The following DOCK5 variants were observed in gnomAD, a reference collection of about 807,000 sequenced individuals.
The protein encoded by DOCK5 is dedicator of cytokinesis protein 5.
A neutral mutation model predicts 251.8 loss-of-function variants in DOCK5; 142 were observed. The ratio of observed to expected loss-of-function variants is 0.56; its 90% CI spans 0.49 to 0.65. DOCK5 has a LOEUF of 0.65. Ranked by LOEUF, DOCK5 falls within the 30% of genes least tolerant of loss-of-function variation. The pLI is 0.00. For missense variants in DOCK5, 2,111 were observed against 2,312.3 expected (o/e 0.91, Z 1.79); for synonymous variants, 842 against 835.5 (o/e 1.01, Z -0.13).
In DOCK5 at chr8:25,380,441, A is replaced by G. The variant is rs758514689; in HGVS notation, c.4026+47A>G. 9 of 1,466,462 alleles carry G rather than the reference A, an allele frequency of 6.1e-6. No homozygotes were observed. The East Asian group carries it at 1.2e-4, about 20-fold the overall frequency. 90.8% of individuals were successfully genotyped at this position (1,466,462 alleles called of 1,614,324 possible). ...TTAGGCCTCTGACAGGGTTGCTAAA[A>G]TTAGCACTCATGAAAATGTTTCCGT... On this transcript the variant is annotated intron_variant, in intron 39 of 51. Transcript: ENST00000276440.
intron 1 of DOCK5, among the ~76,000 whole-genome samples, chr8:25,205,455 A>G (rs2117469103): frequency 6.6e-6 from 1 of 152,324 alleles, no homozygotes; most frequent in East Asian, 1.9e-4. Flanking sequence ...GGTGTGTGGT[A>G]TTTTGTTATG....
rs1041280071 is a variant in DOCK5, at chr8:25,385,872, T to C, written c.4131+3094T>C. ...TTTAAATACAGTAAACAAGAAAGAC[T>C]TCAGAAAGAAAATGGCATTTTTGCA... On this transcript the variant is annotated intron_variant, in intron 40 of 51. Coordinates refer to ENST00000276440, the MANE Select transcript of DOCK5 (RefSeq NM_024940.8). Among the ~76,000 whole-genome samples, 3 of 152,032 alleles carry C rather than the reference T, an allele frequency of 2.0e-5. No individual in the cohort carries two copies. In the South Asian group the frequency reaches 6.2e-4, roughly 32 times the overall value.
chr8:25,208,727 A>G (rs1802061138), intron 1 of DOCK5, among the ~76,000 whole-genome samples: 1 of 152,196 alleles, frequency 6.6e-6, no homozygotes, highest in Non-Finnish European at 1.5e-5. Flanking sequence ...GCTTTACTGC[A>G]ATATTTGCTT....
intron 7 of DOCK5, among the ~76,000 whole-genome samples, chr8:25,296,950 C>G (rs576149014): frequency 6.6e-6 from 1 of 152,056 alleles, no homozygotes; most frequent in East Asian, 1.9e-4. Context: ...TAGACTAACT[C>G]TGAAATAATA....
At chr8:25,361,766 A>G (rs1800685946) in intron 28 of DOCK5, among the ~76,000 whole-genome samples, 1 of 152,190 alleles carries the variant, frequency 6.6e-6, no homozygotes, top group Non-Finnish European at 1.5e-5. Flanking sequence ...CTGGCCGGCC[A>G]GGGAGAGTCA....
At chr8:25,299,265 A>G (rs1235965012) in intron 8 of DOCK5, 164 bp downstream of exon 8, 4 of 743,478 alleles carry the variant, frequency 5.4e-6, no homozygotes, top group African/African-American at 3.6e-5. Context: ...TGAAGCCTTC[A>G]TATGTCACTA....
chr8:25,306,159 A>G (rs1315752928), intron 11 of DOCK5, among the ~76,000 whole-genome samples: 2 of 152,096 alleles, frequency 1.3e-5, no homozygotes, highest in Non-Finnish European at 2.9e-5. Context: ...AAAATAAAAT[A>G]TAAGGTAAAA....
intron 27 of DOCK5, among the ~76,000 whole-genome samples, chr8:25,352,963 A>G (rs1273436722): frequency 1.3e-5 from 2 of 152,172 alleles, no homozygotes; most frequent in African/African-American, 4.8e-5. Context: ...CCATGTGGCT[A>G]TCTGGGAAGG....
intron 49 of DOCK5, 67 bp downstream of exon 49, chr8:25,408,221 T>C: frequency 1.4e-6 from 2 of 1,464,268 alleles, no homozygotes; most frequent in Non-Finnish European, 1.8e-6. Context: ...TACCCAGGCA[T>C]ATCACCATCC....
intron 1 of DOCK5, among the ~76,000 whole-genome samples, chr8:25,230,605 C>G (rs188918225): frequency 1.3e-5 from 2 of 152,118 alleles, no homozygotes; most frequent in African/African-American, 4.8e-5. Flanking sequence ...AACCCCAGCA[C>G]TTTGGGAGGC....
At chr8:25,281,584 T>TAA (rs755311727) in intron 5 of DOCK5, among the ~76,000 whole-genome samples, 6 of 121,444 alleles carry the variant, frequency 4.9e-5, no homozygotes, top group Admixed American at 1.7e-4. Flanking sequence ...AGAATTTGGT[T>TAA]AAAAAAAAAA....
At chr8:25,237,088 C>G (rs980964627) in intron 1 of DOCK5, among the ~76,000 whole-genome samples, 1 of 152,052 alleles carries the variant, frequency 6.6e-6, no homozygotes, top group Non-Finnish European at 1.5e-5. Flanking sequence ...ATTACTTGGC[C>G]GGACTGGATG....
intron 1 of DOCK5, among the ~76,000 whole-genome samples, chr8:25,216,955 G>T: frequency 1.5e-5 from 1 of 65,304 alleles, no homozygotes; most frequent in East Asian, 4.8e-4. Flanking sequence ...TATACAATAT[G>T]TATAGATGTA....
chr8:25,278,309 A>G (rs538672812), intron 4 of DOCK5, among the ~76,000 whole-genome samples: 3 of 150,078 alleles, frequency 2.0e-5, no homozygotes, highest in East Asian at 2.0e-4. Flanking sequence ...AGTCTCCTGG[A>G]GAAATCTACA....
rs570429268 is a variant in DOCK5 at position 25,411,363 on chromosome 8, C to T, written c.*65C>T. On this transcript the variant is annotated 3_prime_UTR_variant, in exon 52 of 52. Coordinates refer to ENST00000276440, the MANE Select transcript of DOCK5 (RefSeq NM_024940.8). ...CTGCTGCCTGAGAACTGGCCTCCAGCCGGTGTCCTCATTCCATGGGGCTCC... is the reference window on the plus strand; with the variant it reads ...CTGCTGCCTGAGAACTGGCCTCCAGTCGGTGTCCTCATTCCATGGGGCTCC... 160 of 1,366,424 alleles carry T rather than the reference C, an allele frequency of 1.2e-4. 2 individuals are homozygous for T. The South Asian group carries it at 2.6e-3, about 22-fold the overall frequency. 84.6% of individuals were successfully genotyped at this position (1,366,424 alleles called of 1,614,324 possible).
intron 1 of DOCK5, among the ~76,000 whole-genome samples, chr8:25,202,567 A>T (rs529986248): frequency 6.6e-6 from 1 of 152,270 alleles, no homozygotes; most frequent in East Asian, 1.9e-4. Flanking sequence ...TTCACTGAGC[A>T]CCTTTTATGT....
chr8:25,288,394 C>T (rs1373289018), intron 5 of DOCK5, among the ~76,000 whole-genome samples: 1 of 152,182 alleles, frequency 6.6e-6, no homozygotes, highest in Non-Finnish European at 1.5e-5. Context: ...TCAGAATTCA[C>T]TTGGCACAGT....
At chr8:25,193,865 C>G (rs1474828620) in intron 1 of DOCK5, among the ~76,000 whole-genome samples, 1 of 152,178 alleles carries the variant, frequency 6.6e-6, no homozygotes, top group Non-Finnish European at 1.5e-5. Flanking sequence ...AGAGCGTCAC[C>G]TTGCTCACCC....
rs1032248400 is a variant in DOCK5, at chr8:25,283,329, A to C, written c.321+4664A>C. ...GGTTTTAGGAGACAGACACTGGCCC[A>C]GGAATTGGGAAGCTGAGTATCCTGT... On this transcript the variant is annotated intron_variant, in intron 5 of 51. Transcript: ENST00000276440. 2.6e-5 allele frequency among the ~76,000 whole-genome samples: 4 copies of C among 152,174 alleles called. No individual in the cohort carries two copies. In the South Asian group the frequency reaches 8.3e-4, roughly 32 times the overall value.
Sources: allele counts gnomAD v4.1 joint callset (sites outside exome capture counted in the v4.1 genomes callset), GRCh38; gene constraint gnomAD v4.1.1; transcripts MANE v1.5; gene names NCBI Gene and HGNC (gene_info 2026-07-23, HGNC 2026-07-21).